PARL: variants seen among roughly 807,000 people sequenced by gnomAD.
The protein encoded by PARL is presenilin-associated rhomboid-like protein, mitochondrial.
A neutral mutation model predicts 51.6 loss-of-function variants in PARL; 44 were observed. The ratio of observed to expected loss-of-function variants is 0.85; its 90% confidence interval spans 0.67 to 1.10. PARL has a LOEUF of 1.10. Among genes scored for constraint, PARL ranks in the 50% least tolerant of loss-of-function variants. The pLI is 0.00. For synonymous variants in PARL, 172 were observed against 164.0 expected (o/e 1.05, Z -0.37); for missense variants, 441 against 469.5 (o/e 0.94, Z 0.56).
intron 7 of PARL, 69 bp downstream of exon 7, chr3:183,840,501 T>C: frequency 1.3e-6 from 1 of 756,218 alleles, no homozygotes; most frequent in Non-Finnish European, 2.2e-6. Context: ...AACATTCTTC[T>C]AAGTCTAAAC....
chr3:183,863,655 T>A (rs1577355313), intron 3 of PARL, among the ~76,000 whole-genome samples: 1 of 152,078 alleles, frequency 6.6e-6, no homozygotes, highest in South Asian at 2.1e-4. Context: ...CCAAGGCTGG[T>A]CTTGAACTCC....
intron 7 of PARL, among the ~76,000 whole-genome samples, chr3:183,836,296 T>A (rs1238521820): frequency 6.6e-6 from 1 of 150,710 alleles, no homozygotes; most frequent in Admixed American, 6.6e-5. Flanking sequence ...TTATTCTCCA[T>A]CTGTTAAAAA....
intron 5 of PARL, chr3:183,843,438 C>A (rs1038851497): frequency 9.5e-6 from 2 of 209,938 alleles, no homozygotes; most frequent in South Asian, 3.4e-4. Flanking sequence ...TCAGTTGAGC[C>A]TGAGAAGCAG....
chr3:183,863,436 T>TG (rs1269113111), intron 3 of PARL, among the ~76,000 whole-genome samples: 2 of 152,094 alleles, frequency 1.3e-5, no homozygotes, highest in African/African-American at 4.8e-5. Flanking sequence ...ACGATAATGA[T>TG]TCATCATACT....
intron 4 of PARL, among the ~76,000 whole-genome samples, chr3:183,848,555 A>G (rs1009149927): frequency 3.3e-5 from 5 of 152,186 alleles, no homozygotes; most frequent in Admixed American, 2.0e-4. Flanking sequence ...CTCTAGTTAC[A>G]AGGTAGTCTT....
intron 3 of PARL, among the ~76,000 whole-genome samples, chr3:183,866,182 C>T: frequency 6.6e-6 from 1 of 152,158 alleles, no homozygotes; most frequent in Non-Finnish European, 1.5e-5. Flanking sequence ...ACATTTTTAA[C>T]AACTATCCGT....
intron 4 of PARL, among the ~76,000 whole-genome samples, chr3:183,855,604 A>T (rs1368553755): frequency 6.6e-6 from 1 of 152,222 alleles, no homozygotes; most frequent in African/African-American, 2.4e-5. Flanking sequence ...ATAATATATA[A>T]TGAAGTAATT....
intron 4 of PARL, chr3:183,846,705 T>C (rs1729994060): frequency 2.7e-6 from 2 of 749,098 alleles, no homozygotes; most frequent in Non-Finnish European, 3.3e-6. Context: ...GTAAACACCA[T>C]CCATTAGTAA....
At chr3:183,866,230 C>T (rs1009947866) in intron 3 of PARL, among the ~76,000 whole-genome samples, 2 of 152,164 alleles carry the variant, frequency 1.3e-5, no homozygotes, top group African/African-American at 4.8e-5. Flanking sequence ...GGACAGAATT[C>T]TGGAACACTG....
At chr3:183,842,807 CAAAAAAAAAA>C (rs370931513) in intron 5 of PARL, among the ~76,000 whole-genome samples, 3 of 54,092 alleles carry the variant, frequency 5.5e-5, no homozygotes, top group East Asian at 8.2e-4. Flanking sequence ...GACTCTATCT[CAAAAAAAAAA>C]AAAAAAAAAA....
chr3:183,882,225 ATATATATATATATATATATT>A (rs1230924876), intron 1 of PARL, among the ~76,000 whole-genome samples: 4,829 of 78,132 alleles, frequency 0.062, 328 homozygotes, highest in East Asian at 0.094. Context: ...AAAAAAAAAT[ATATATATATATATATATATT>A]TATATATATA....
intron 4 of PARL, among the ~76,000 whole-genome samples, chr3:183,855,285 C>A (rs1187097661): frequency 2.0e-5 from 3 of 152,138 alleles, no homozygotes; most frequent in Non-Finnish European, 4.4e-5. Context: ...TTTACTTTGG[C>A]TTTCTATTTT....
intron 6 of PARL, 133 bp from the exon 7 acceptor site, chr3:183,840,773 A>T: frequency 1.7e-6 from 1 of 595,546 alleles, no homozygotes. Context: ...CAGTGGTACA[A>T]TTTTGGCTCA....
chr3:183,830,292 A>T (rs1170576194), intron 9 of PARL, among the ~76,000 whole-genome samples: 1 of 152,244 alleles, frequency 6.6e-6, no homozygotes, highest in Non-Finnish European at 1.5e-5. Context: ...TGGGAGGCTG[A>T]CGCACAGAGA....
chr3:183,841,934 G>C (rs1729366104), intron 6 of PARL, among the ~76,000 whole-genome samples: 1 of 152,176 alleles, frequency 6.6e-6, no homozygotes, highest in Admixed American at 6.5e-5. Flanking sequence ...GATTGAGGCA[G>C]CCGGGAAGTC....
At chr3:183,860,360 T>A (rs753193849) in intron 4 of PARL, among the ~76,000 whole-genome samples, 2 of 152,220 alleles carry the variant, frequency 1.3e-5, no homozygotes, top group Non-Finnish European at 2.9e-5. Context: ...GAATAATTAT[T>A]TCCTACAAGA....
chr3:183,870,576 ACCATTTCCTAGCAGATCT>A (rs1334013881), intron 1 of PARL, among the ~76,000 whole-genome samples: 1 of 152,064 alleles, frequency 6.6e-6, no homozygotes, highest in Non-Finnish European at 1.5e-5. Context: ...GGAATACGCC[ACCATTTCCTAGCAGATCT>A]CCTTGCTTCC....
Position 183,884,730 on chromosome 3 carries a change from G to A in PARL, c.117C>T (p.Leu39=), listed in dbSNP as rs1295734101. 2 of 1,590,062 alleles carry A rather than the reference G, an allele frequency of 1.3e-6. No homozygotes were observed. The highest frequency in any genetic ancestry group is 1.7e-6 in the Non-Finnish European group (2 of 1,170,904). The change falls in exon 1 of 10, where the codon CTC becomes CTT. Residue 39 remains leucine, a synonymous_variant. Coordinates refer to ENST00000317096, the MANE Select transcript of PARL (RefSeq NM_018622.7). ...LTAVLTPPQL[L]GRRFNFFIQQ... ...AGCGCGGCGGCTATTACCTGCGTCC[G>A]AGGAGCTGCGGCGGGGTTAGGACCG... is the stretch of plus-strand genomic sequence containing the variant.
intron 1 of PARL, among the ~76,000 whole-genome samples, chr3:183,871,593 CTT>C (rs1287347658): frequency 6.6e-6 from 1 of 150,636 alleles, no homozygotes; most frequent in African/African-American, 2.4e-5. Context: ...CTCAAAAACA[CTT>C]TTGGCAAAAG....
Sources: allele counts gnomAD v4.1 joint callset (sites outside exome capture counted in the v4.1 genomes callset), GRCh38; gene constraint gnomAD v4.1.1; transcripts MANE v1.5; gene names NCBI Gene and HGNC (gene_info 2026-07-23, HGNC 2026-07-21).